The following MINDY3 variants were observed in gnomAD, a reference collection of about 807,000 sequenced individuals.
MINDY3 encodes MINDY lysine 48 deubiquitinase 3.
A neutral mutation model predicts 69.2 loss-of-function variants in MINDY3; 38 were observed. The observed-to-expected ratio is 0.55, with a 90% CI of 0.42 to 0.72. The LOEUF (loss-of-function observed/expected upper bound fraction) is 0.72, where lower values mean the gene tolerates loss of function less well. MINDY3 is among the 30% of genes least tolerant of loss of function. MINDY3 has a pLI of 0.00. For synonymous variants in MINDY3, 192 were observed against 180.1 expected, an observed-to-expected ratio of 1.07 and a Z score of -0.53; for missense variants, 522 against 519.0, an observed-to-expected ratio of 1.01 and a Z score of -0.06.
chr10:15,837,992 G>A (rs1343183064), intron 5 of MINDY3: 1 of 974,308 alleles, frequency 1.0e-6, no homozygotes, highest in Non-Finnish European at 1.2e-6. Context: ...TGATGAAAAA[G>A]CTTTTTAATG....
intron 14 of MINDY3, among the ~76,000 whole-genome samples, chr10:15,781,477 C>G (rs1409567630): frequency 6.6e-6 from 1 of 151,064 alleles, no homozygotes; most frequent in African/African-American, 2.4e-5. Flanking sequence ...AATAGACACA[C>G]AAAAAGGGGA....
rs183961682 is a variant in MINDY3, at chr10:15,839,884, T to C, written c.409+1542A>G. 2.6e-5 allele frequency among the ~76,000 whole-genome samples: 4 copies of C among 151,762 alleles called. No individual in the cohort carries two copies. The East Asian group carries it at 5.8e-4, about 22-fold the overall frequency. ...CTGGAAAAATTACTAAAATGTTTTC[T>C]GGAGGGTAATTCAATATAATATGCC... On this transcript the variant is annotated intron_variant, in intron 4 of 14. Coordinates refer to ENST00000277632, the MANE Select transcript of MINDY3 (RefSeq NM_024948.4).
Position 15,817,621 on chromosome 10 carries a change from A to C in MINDY3, c.802-706T>G, listed in dbSNP as rs1054276003. On this transcript the variant is annotated intron_variant, in intron 9 of 14. Coordinates refer to ENST00000277632, the MANE Select transcript of MINDY3 (RefSeq NM_024948.4). ...AATACTAAACAAACAGAATAGACTT[A>C]TGAAACCCAACACGTTCACACCACT... is the stretch of plus-strand genomic sequence containing the variant. The C allele has an allele frequency of 9.8e-5, 15 of 152,362 alleles. No individual in the cohort carries two copies. The East Asian group carries it at 2.7e-3, about 27-fold the overall frequency. The allele number at this position is 152,362 out of a possible 1,614,324, so 9.4% of individuals were successfully genotyped here.
intron 1 of MINDY3, among the ~76,000 whole-genome samples, chr10:15,858,642 C>A (rs1834863953): frequency 6.6e-6 from 1 of 152,138 alleles, no homozygotes; most frequent in South Asian, 2.1e-4. Flanking sequence ...TGAACCTGAA[C>A]CAAGTACATC....
At chr10:15,836,155 T>G (rs1394813515) in intron 6 of MINDY3, among the ~76,000 whole-genome samples, 1 of 152,054 alleles carries the variant, frequency 6.6e-6, no homozygotes, top group African/African-American at 2.4e-5. Context: ...TATGCTACAG[T>G]AAGGCTCAAC....
In MINDY3 at chr10:15,834,531, T is replaced by C. The variant is rs372591994; in HGVS notation, c.650+12A>G. The C allele has an allele frequency of 6.3e-7, 1 of 1,593,066 alleles. No homozygotes were observed. The highest frequency in any genetic ancestry group is 1.3e-5 in the African/African-American group (1 of 74,282). On this transcript the variant is annotated intron_variant, in intron 7 of 14. Transcript: ENST00000277632. ...AGTTCACATGAGGAGACAAGAGATT[T>C]TAGTTAATTACCTGCCATGTCCATA...
intron 7 of MINDY3, among the ~76,000 whole-genome samples, chr10:15,834,032 T>C (rs1166041098): frequency 1.3e-5 from 2 of 152,004 alleles, no homozygotes; most frequent in Non-Finnish European, 2.9e-5. Flanking sequence ...TAATTATTAA[T>C]ATTTTGTCTT....
chr10:15,824,913 T>C (rs1035559422), intron 8 of MINDY3, among the ~76,000 whole-genome samples: 2 of 152,220 alleles, frequency 1.3e-5, no homozygotes, highest in African/African-American at 2.4e-5. Context: ...TATGCCTGTT[T>C]TCTTAAACAG....
At chr10:15,846,818 G>C (rs1384001855) in intron 2 of MINDY3, among the ~76,000 whole-genome samples, 1 of 151,174 alleles carries the variant, frequency 6.6e-6, no homozygotes, top group Non-Finnish European at 1.5e-5. Context: ...CCACCTCCCA[G>C]GTTCACGCCA....
intron 1 of MINDY3, among the ~76,000 whole-genome samples, chr10:15,850,511 C>A (rs978780585): frequency 1.3e-5 from 2 of 151,992 alleles, no homozygotes; most frequent in Non-Finnish European, 2.9e-5. Flanking sequence ...CTAAAATGGC[C>A]GCTCGGGGAG....
intron 6 of MINDY3, 101 bp downstream of exon 6, chr10:15,837,103 A>C (rs1020960331): frequency 6.2e-6 from 4 of 644,392 alleles, no homozygotes; most frequent in African/African-American, 5.7e-5. Context: ...TTATTCTAAG[A>C]ATTTAAAAAC....
intron 1 of MINDY3, among the ~76,000 whole-genome samples, chr10:15,852,816 C>T (rs976039747): frequency 6.6e-6 from 1 of 152,010 alleles, no homozygotes; most frequent in Non-Finnish European, 1.5e-5. Flanking sequence ...CAGATTCAAC[C>T]AAACACAAAT....
intron 2 of MINDY3, among the ~76,000 whole-genome samples, chr10:15,845,324 G>A (rs914321860): frequency 1.3e-5 from 2 of 152,072 alleles, no homozygotes; most frequent in African/African-American, 4.8e-5. Context: ...ATTGTATTAT[G>A]TATTTGGTTC....
intron 1 of MINDY3, among the ~76,000 whole-genome samples, chr10:15,856,532 GA>G (rs1037290009): frequency 2.6e-5 from 4 of 152,024 alleles, no homozygotes; most frequent in African/African-American, 9.7e-5. Context: ...TTGGAAGAAG[GA>G]AAAATGGCTA....
intron 10 of MINDY3, among the ~76,000 whole-genome samples, chr10:15,804,253 G>A (rs997507041): frequency 2.0e-5 from 3 of 151,984 alleles, no homozygotes; most frequent in Non-Finnish European, 4.4e-5. Context: ...GAAGTAGGTG[G>A]ACCAAGCTGT....
chr10:15,853,754 G>A (rs1471705813), intron 1 of MINDY3, among the ~76,000 whole-genome samples: 2 of 150,814 alleles, frequency 1.3e-5, no homozygotes, highest in South Asian at 2.1e-4. Flanking sequence ...TTTTAATGGA[G>A]TGCTGCTTTT....
chr10:15,801,524 T>C (rs543335246), intron 10 of MINDY3, among the ~76,000 whole-genome samples: 2 of 152,032 alleles, frequency 1.3e-5, no homozygotes, highest in African/African-American at 2.4e-5. Flanking sequence ...CAGAATCCCA[T>C]GAGCTCACCA....
chr10:15,795,973 G>A, intron 11 of MINDY3, 127 bp downstream of exon 11: 2 of 759,704 alleles, frequency 2.6e-6, no homozygotes, highest in Non-Finnish European at 4.4e-6. Flanking sequence ...CTTTTAAAAT[G>A]TTCAAGAAAC....
At chr10:15,852,454 T>G (rs967537585) in intron 1 of MINDY3, among the ~76,000 whole-genome samples, 1 of 152,066 alleles carries the variant, frequency 6.6e-6, no homozygotes, top group African/African-American at 2.4e-5. Flanking sequence ...TTAAAGTGAA[T>G]GAGAACTTGT....
Sources: gnomAD v4.1 joint callset for allele counts (sites outside exome capture counted in the v4.1 genomes callset) on GRCh38, gnomAD v4.1.1 for gene constraint, MANE v1.5 for transcripts, NCBI Gene and HGNC (gene_info 2026-07-23, HGNC 2026-07-21) for gene names.